The following EXOC6 variants were observed in gnomAD, a reference collection of about 807,000 sequenced individuals.
The protein encoded by EXOC6 is SEC15-like 1.
In EXOC6, 60 loss-of-function variants were observed where a neutral mutation model predicts 112.5. The ratio of observed to expected loss-of-function variants is 0.53; its 90% confidence interval spans 0.43 to 0.66. The LOEUF is 0.66. EXOC6 is among the 30% of genes least tolerant of loss of function. The probability of loss-of-function intolerance (pLI) is 0.00; values close to 1 mark genes in which losing one functional copy is unlikely to be tolerated. For synonymous variants in EXOC6, 295 were observed against 308.0 expected, an observed-to-expected ratio of 0.96 and a Z score of 0.44; for missense variants, 855 against 957.1, an observed-to-expected ratio of 0.89 and a Z score of 1.41.
upstream of EXOC6, among the ~76,000 whole-genome samples, chr10:92,846,792 T>C (rs749785184): frequency 1.7e-4 from 26 of 152,160 alleles, no homozygotes; most frequent in Admixed American, 1.5e-3. Context: ...TATTTTTACA[T>C]GACAAAGGGG....
intron 6 of EXOC6, among the ~76,000 whole-genome samples, chr10:92,913,058 G>A (rs189132884): frequency 6.6e-6 from 1 of 152,238 alleles, no homozygotes; most frequent in Non-Finnish European, 1.5e-5. Context: ...GTCCAAACTG[G>A]CATTGTCTTT....
rs1212647618 is a variant in EXOC6, at chr10:92,957,351, A to G, written c.1773+1637A>G. On this transcript the variant is annotated intron_variant, in intron 17 of 21. Transcript: ENST00000260762. ...GCATCTTGTGTTTCTAGGGATCTTC[A>G]AGTAATTATTCTTATCGGTCATAAG... is the stretch of plus-strand genomic sequence containing the variant. Among the ~76,000 whole-genome samples, 9 of 152,262 alleles carry G rather than the reference A, an allele frequency of 5.9e-5. No homozygotes were observed. The East Asian group carries it at 1.7e-3, about 29-fold the overall frequency.
intron 17 of EXOC6, among the ~76,000 whole-genome samples, chr10:92,971,862 T>G (rs1425402085): frequency 1.3e-5 from 2 of 152,210 alleles, no homozygotes; most frequent in African/African-American, 4.8e-5. Context: ...TTTGCATAAC[T>G]TGTCATTTTT....
rs182491571 is a variant in EXOC6, at chr10:93,049,144, G to A, written c.2170-7780G>A. 2.8e-3 allele frequency among the ~76,000 whole-genome samples: 424 copies of A among 151,510 alleles called. 1 individual carries two copies. The highest frequency in any genetic ancestry group is 4.7e-3 in the Non-Finnish European group (318 of 67,940). ...GCAATCTCAGATCACTGCAAGCTCC[G>A]CCTCCTAGGTTCATGCCATTCTCCT... On this transcript the variant is annotated intron_variant, in intron 20 of 21. Transcript: ENST00000260762.
intron 19 of EXOC6, chr10:92,999,118 C>T: frequency 3.0e-6 from 1 of 334,180 alleles, no homozygotes; most frequent in South Asian, 2.4e-5. Flanking sequence ...GTGATCTGCC[C>T]ACCTCAGCCT....
chr10:92,844,126 G>C (rs940669597), upstream of EXOC6, among the ~76,000 whole-genome samples: 6 of 150,458 alleles, frequency 4.0e-5, no homozygotes, highest in Non-Finnish European at 8.9e-5. Context: ...ACTCCAGCCT[G>C]GTGACAGAGC....
At chr10:92,992,287 CAAAAAAAA>C (rs35924745) in intron 18 of EXOC6, among the ~76,000 whole-genome samples, 14 of 74,212 alleles carry the variant, frequency 1.9e-4, no homozygotes, top group African/African-American at 6.4e-4. Flanking sequence ...GACTCTGTCT[CAAAAAAAA>C]AAAAAAAAAA....
chr10:92,927,065 G>C (rs1851764839), intron 8 of EXOC6, among the ~76,000 whole-genome samples: 1 of 152,042 alleles, frequency 6.6e-6, no homozygotes, highest in Non-Finnish European at 1.5e-5. Context: ...AGGATACCTA[G>C]GTAAAAATAT....
chr10:92,911,376 A>G (rs1850754212), intron 6 of EXOC6, among the ~76,000 whole-genome samples: 1 of 152,196 alleles, frequency 6.6e-6, no homozygotes, highest in South Asian at 2.1e-4. Flanking sequence ...CCTCTGGCCA[A>G]GGAAATCTGT....
intron 1 of EXOC6, among the ~76,000 whole-genome samples, chr10:92,888,053 A>T (rs1004967929): frequency 1.3e-5 from 2 of 152,262 alleles, no homozygotes; most frequent in South Asian, 4.2e-4. Flanking sequence ...ACAGCCTGAG[A>T]CTTTGTAATA....
At chr10:93,058,174 A>T in intron 21 of EXOC6, 49 bp from the exon 22 acceptor site, 1 of 1,562,166 alleles carries the variant, frequency 6.4e-7, no homozygotes, top group Non-Finnish European at 8.7e-7. Context: ...GTGACAGCTT[A>T]GCTTTTAATT....
intron 1 of EXOC6, among the ~76,000 whole-genome samples, chr10:92,881,162 A>G (rs1404745709): frequency 1.3e-5 from 2 of 152,198 alleles, no homozygotes; most frequent in Non-Finnish European, 2.9e-5. Flanking sequence ...GGGAGTGGCT[A>G]CATGTGGCCT....
At chr10:92,845,252 T>A (rs1014605521), upstream of EXOC6, among the ~76,000 whole-genome samples, 5 of 152,190 alleles carry the variant, frequency 3.3e-5, no homozygotes, top group African/African-American at 1.2e-4. Flanking sequence ...GTGCAGACGT[T>A]AAATCATTCA....
intron 18 of EXOC6, among the ~76,000 whole-genome samples, chr10:92,980,157 T>C (rs1425816008): frequency 6.6e-6 from 1 of 152,198 alleles, no homozygotes; most frequent in African/African-American, 2.4e-5. Flanking sequence ...TTTTATTGTT[T>C]CTAGAGGTCT....
At chr10:93,023,864 C>A (rs532886972) in intron 20 of EXOC6, among the ~76,000 whole-genome samples, 1 of 152,138 alleles carries the variant, frequency 6.6e-6, no homozygotes, top group Non-Finnish European at 1.5e-5. Flanking sequence ...TTTAATAACT[C>A]ATTCTTAATA....
upstream of EXOC6, among the ~76,000 whole-genome samples, chr10:92,830,678 C>T (rs186511509): frequency 4.1e-4 from 63 of 152,272 alleles, no homozygotes; most frequent in South Asian, 2.5e-3. Flanking sequence ...CCCACGGTGA[C>T]AATCAAATAT....
At chr10:93,012,785 C>T (rs193040054) in intron 19 of EXOC6, among the ~76,000 whole-genome samples, 193 of 152,230 alleles carry the variant, frequency 1.3e-3, no homozygotes, top group Middle Eastern at 3.4e-3. Context: ...ATATCCAGCA[C>T]TTTGGGAGGC....
At chr10:92,848,320 C>T, upstream of EXOC6, 1 of 170,116 alleles carries the variant, frequency 5.9e-6, no homozygotes, top group Non-Finnish European at 1.2e-5. Context: ...ACCCGGCCGC[C>T]GCCCGTAGCC....
intron 1 of EXOC6, among the ~76,000 whole-genome samples, chr10:92,877,756 C>G (rs955319502): frequency 7.2e-5 from 11 of 152,024 alleles, no homozygotes; most frequent in African/African-American, 2.4e-4. Flanking sequence ...TCTGGATATA[C>G]TTATATGGCA....
Sources: gnomAD v4.1 joint callset for allele counts (sites outside exome capture counted in the v4.1 genomes callset) on GRCh38, gnomAD v4.1.1 for gene constraint, MANE v1.5 for transcripts, NCBI Gene and HGNC (gene_info 2026-07-23, HGNC 2026-07-21) for gene names.